Variants in S100PBP observed in about 807,000 individuals in gnomAD.
The protein encoded by S100PBP is S100P-binding protein.
Under a neutral mutation model 39.9 loss-of-function variants are expected in S100PBP, and 15 were observed. That is an observed-to-expected ratio of 0.38 (90% CI 0.25 to 0.58). S100PBP has a LOEUF of 0.58. Among genes scored for constraint, S100PBP ranks in the 20% least tolerant of loss-of-function variants. The probability of loss-of-function intolerance (pLI) is 0.70; values close to 1 mark genes in which losing one functional copy is unlikely to be tolerated. For synonymous variants in S100PBP, 178 were observed against 180.3 expected, an observed-to-expected ratio of 0.99 and a Z score of 0.10; for missense variants, 504 against 487.3, an observed-to-expected ratio of 1.03 and a Z score of -0.32.
chr1:32,835,419 A>G (rs1025473077), intron 5 of S100PBP: 1 of 152,158 alleles, frequency 6.6e-6, no homozygotes, highest in Non-Finnish European at 1.5e-5. Context: ...AAAAAAATAC[A>G]TCTAACATAA....
At position 32,826,696 on chromosome 1, in the gene S100PBP, G is replaced by A. The variant is rs952178096; in HGVS notation, c.597G>A (p.Gly199=). The A allele has an allele frequency of 6.2e-6, 10 of 1,613,998 alleles. No individual in the cohort carries two copies. The Admixed American group carries it at 1.0e-4, about 16-fold the overall frequency. ...NESKLCTESE[G]ISPNNSAWNG... is the part of the protein sequence containing the mutation. ...GCAAACTTTGTACTGAATCTGAAGG[G>A]ATCAGCCCCAATAACTCTGCCTGGA... The change falls in exon 3 of 7, where the codon GGG becomes GGA. Residue 199 remains glycine, a synonymous_variant. Transcript: ENST00000373475.
intron 5 of S100PBP, among the ~76,000 whole-genome samples, chr1:32,839,130 C>A (rs761538433): frequency 3.9e-5 from 6 of 152,156 alleles, no homozygotes; most frequent in Non-Finnish European, 8.8e-5. Context: ...ACAATAACTC[C>A]CCATTCCCCT....
At position 32,838,373 on chromosome 1, in the gene S100PBP, A is replaced by T. The variant is rs112260490; in HGVS notation, c.1024+8306A>T. On this transcript the variant is annotated intron_variant, in intron 5 of 6. Coordinates refer to ENST00000373475, the MANE Select transcript of S100PBP (RefSeq NM_022753.4). ...AAAAAAGAAAAGAAAAGAAACTGCC[A>T]AACTGTTCCCAAGTAGTTGTACCGT... 3.2e-3 allele frequency among the ~76,000 whole-genome samples: 489 copies of T among 151,362 alleles called. 2 individuals are homozygous for T. The highest frequency in any genetic ancestry group is 6.0e-3 in the Non-Finnish European group (407 of 67,846).
chr1:32,817,619 G>C (rs1020542455), upstream of S100PBP: 3 of 342,436 alleles, frequency 8.8e-6, no homozygotes, highest in African/African-American at 6.2e-5. Flanking sequence ...GTCGGGGAGG[G>C]GGCGATAAAA....
At chr1:32,830,143 G>T in intron 5 of S100PBP, 76 bp downstream of exon 5, 1 of 892,460 alleles carries the variant, frequency 1.1e-6, no homozygotes, top group East Asian at 2.4e-5. Flanking sequence ...GCTTAAACTG[G>T]GAGATTGTTT....
chr1:32,820,465 C>T (rs1321952260), intron 1 of S100PBP: 1 of 152,060 alleles, frequency 6.6e-6, no homozygotes, highest in Non-Finnish European at 1.5e-5. Flanking sequence ...TCTTAAGACT[C>T]CAGGGATCGG....
chr1:32,824,260 T>A (rs995095971), intron 1 of S100PBP, among the ~76,000 whole-genome samples: 1 of 151,556 alleles, frequency 6.6e-6, no homozygotes, highest in Non-Finnish European at 1.5e-5. Context: ...GGGTGTGGTA[T>A]GGAGGGTCAT....
At chr1:32,839,115 A>G (rs1639975648) in intron 5 of S100PBP, among the ~76,000 whole-genome samples, 2 of 152,234 alleles carry the variant, frequency 1.3e-5, no homozygotes, top group South Asian at 4.1e-4. Flanking sequence ...CTCTATACCC[A>G]TTAAACAATA....
intron 5 of S100PBP, among the ~76,000 whole-genome samples, chr1:32,842,180 CAAAAA>C (rs139787430): frequency 5.3e-5 from 3 of 56,426 alleles, no homozygotes; most frequent in East Asian, 1.7e-3. Flanking sequence ...AAGACTGTCT[CAAAAA>C]AAAAAAAAAA....
chr1:32,825,522 A>G (rs143701312), intron 2 of S100PBP, 93 bp downstream of exon 2: 3 of 152,508 alleles, frequency 2.0e-5, no homozygotes, highest in African/African-American at 7.2e-5. Context: ...GTGTAAACTG[A>G]ATATTCAGAC....
At chr1:32,831,252 A>T (rs1057240028) in intron 5 of S100PBP, among the ~76,000 whole-genome samples, 3 of 152,080 alleles carry the variant, frequency 2.0e-5, no homozygotes, top group Non-Finnish European at 4.4e-5. Context: ...GAAGATAATT[A>T]TACTGCAGTA....
At chr1:32,818,213 C>G (rs933093009) in intron 1 of S100PBP, 1 of 152,352 alleles carries the variant, frequency 6.6e-6, no homozygotes, top group Non-Finnish European at 1.5e-5. Flanking sequence ...ACTCTCGCTT[C>G]TCCCGCTTTC....
Position 32,826,484 on chromosome 1 carries a change from C to T in S100PBP, c.385C>T (p.His129Tyr), listed in dbSNP as rs1465736471. ...LSTSSGHGPA[H>Y]TKPLNRRSVL... is the part of the protein sequence containing the mutation. ...TACATCAAGTGGTCATGGACCAGCT[C>T]ATACTAAACCATTAAACAGACGCTC... is the stretch of plus-strand genomic sequence containing the variant. Residue 129 changes from histidine (H) to tyrosine (Y), a missense_variant, in exon 3 of 7, where the codon CAT becomes TAT. Physicochemically the swap from His to Tyr is moderately conservative, Grantham distance 83. Transcript: ENST00000373475. The T allele has an allele frequency of 2.5e-6, 4 of 1,613,998 alleles. No individual in the cohort carries two copies. The highest frequency in any genetic ancestry group is 3.4e-6 in the Non-Finnish European group (4 of 1,180,018).
intron 6 of S100PBP, among the ~76,000 whole-genome samples, chr1:32,854,245 C>CCAT (rs1276745129): frequency 3.3e-5 from 5 of 152,162 alleles, no homozygotes; most frequent in Admixed American, 3.3e-4. Context: ...ATACCAAAAT[C>CCAT]CACAGATGCT....
At chr1:32,821,161 C>T (rs758247177) in intron 1 of S100PBP, among the ~76,000 whole-genome samples, 17 of 151,420 alleles carry the variant, frequency 1.1e-4, no homozygotes, top group Non-Finnish European at 1.8e-4. Flanking sequence ...AAACATTGGC[C>T]GGGCGCGGTG....
Position 32,830,320 on chromosome 1 carries a change from G to A in S100PBP, c.1024+253G>A, listed in dbSNP as rs373293249. Among the ~76,000 whole-genome samples the A allele has an allele frequency of 7.6e-4, 116 of 152,010 alleles. No individual in the cohort carries two copies. The South Asian group carries it at 8.5e-3, about 11-fold the overall frequency. On this transcript the variant is annotated intron_variant, in intron 5 of 6. Coordinates refer to ENST00000373475, the MANE Select transcript of S100PBP (RefSeq NM_022753.4). ...TGAAAGGTGCCTCCCTCATGGTTGAGGGCTTTAACCCAGACCGGTACATTT... is the reference window on the plus strand; with the variant it reads ...TGAAAGGTGCCTCCCTCATGGTTGAAGGCTTTAACCCAGACCGGTACATTT...
intron 5 of S100PBP, among the ~76,000 whole-genome samples, chr1:32,839,157 A>G (rs1382314553): frequency 1.3e-5 from 2 of 152,100 alleles, no homozygotes; most frequent in Non-Finnish European, 2.9e-5. Context: ...TGAGCCCCTG[A>G]CAACCACCAT....
In S100PBP at chr1:32,856,513, T is replaced by TA. The variant is rs1640824782; in HGVS notation, c.*476dup. 6.5e-6 allele frequency: 1 copy of TA among 153,136 alleles called. No homozygotes were observed. Among genetic ancestry groups the TA allele is most frequent in the Non-Finnish European group, 1.5e-5 (1 of 68,438 alleles). 9.5% of individuals were successfully genotyped at this position (153,136 alleles called of 1,614,324 possible). A position where few individuals can be genotyped will look rare whatever the true frequency, so the allele number is the denominator to read the frequency against. ...ATAAGTTACTTTTAACAACCCCTCT[T>TA]ACTTTTTTATTTGAATCCTCTGAAT... On this transcript the variant is annotated 3_prime_UTR_variant, in exon 7 of 7. Coordinates refer to ENST00000373475, the MANE Select transcript of S100PBP (RefSeq NM_022753.4).
rs1638988196 is a variant in S100PBP, at chr1:32,820,284, T to C, written c.-120+2595T>C. 1.3e-5 allele frequency among the ~76,000 whole-genome samples: 2 copies of C among 151,632 alleles called. 1 individual carries two copies. The highest frequency in any genetic ancestry group is 4.1e-4 in the South Asian group (2 of 4,826). On this transcript the variant is annotated intron_variant, in intron 1 of 6. Coordinates refer to ENST00000373475, the MANE Select transcript of S100PBP (RefSeq NM_022753.4). Reference sequence around the variant, plus strand: ...GCTTCAGCCTCCCAAGTAGCTGGGATTACAGGCATGCACCACACACCCGGC... The same window carrying C: ...GCTTCAGCCTCCCAAGTAGCTGGGACTACAGGCATGCACCACACACCCGGC...
Sources: gnomAD v4.1 joint callset for allele counts (sites outside exome capture counted in the v4.1 genomes callset) on GRCh38, gnomAD v4.1.1 for gene constraint, MANE v1.5 for transcripts, NCBI Gene and HGNC (gene_info 2026-07-23, HGNC 2026-07-21) for gene names.